The following LAMA2 variants were observed in gnomAD, a reference collection of about 807,000 sequenced individuals.
LAMA2 encodes the protein laminin subunit alpha-2.
LAMA2 carries 269 observed loss-of-function variants against 364.8 expected under a neutral mutation model. The observed-to-expected ratio is 0.74, with a 90% CI of 0.67 to 0.82. The LOEUF is 0.82. Among genes scored for constraint, LAMA2 ranks in the 40% least tolerant of loss-of-function variants. The pLI is 0.00. For synonymous variants in LAMA2, 1,379 were observed against 1,370.6 expected, an observed-to-expected ratio of 1.01 and a Z score of -0.14; for missense variants, 3,807 against 3,873.2, an observed-to-expected ratio of 0.98 and a Z score of 0.45.
rs143343647 is a variant in LAMA2 at position 129,440,937 on chromosome 6, C to A, written c.6207C>A (p.Tyr2069Ter). 12 of 1,613,814 alleles carry A rather than the reference C, an allele frequency of 7.4e-6. No individual in the cohort carries two copies. The highest frequency in any genetic ancestry group is 5.3e-5 in the African/African-American group (4 of 74,914). Residue 2069 changes from tyrosine (Y) to a stop codon, truncating the protein, a stop_gained, in exon 43 of 65, where the codon TAC becomes TAA. Coordinates refer to ENST00000421865, the MANE Select transcript of LAMA2 (RefSeq NM_000426.4). LOFTEE classifies it high-confidence loss of function. ...HQNLDGLKKN[Y>*]NKLADSVAKT... is the part of the protein sequence containing the mutation. The stretch of plus-strand genomic sequence containing the variant: ...ACCTCGATGGCCTGAAGAAGAATTA[C>A]AATAAACTAGCAGACAGCGTCGCCA...
chr6:129,342,195 G>T (rs1221101149), intron 29 of LAMA2, 148 bp from the exon 30 acceptor site: 2 of 662,424 alleles, frequency 3.0e-6, no homozygotes, highest in East Asian at 5.8e-5. Context: ...TGAGTTCTCT[G>T]TCAGTGATAA....
intron 1 of LAMA2, among the ~76,000 whole-genome samples, chr6:128,974,562 G>A (rs377679186): frequency 6.6e-6 from 1 of 152,194 alleles, no homozygotes; most frequent in Non-Finnish European, 1.5e-5. Context: ...GGATGGAACT[G>A]AAAGTTCACA....
chr6:128,903,497 A>T (rs1777219177), intron 1 of LAMA2, among the ~76,000 whole-genome samples: 1 of 152,158 alleles, frequency 6.6e-6, no homozygotes, highest in African/African-American at 2.4e-5. Flanking sequence ...TTCCTTCTGA[A>T]ATCATTTACA....
intron 2 of LAMA2, among the ~76,000 whole-genome samples, chr6:129,059,447 G>T (rs1164877989): frequency 1.3e-5 from 2 of 152,188 alleles, no homozygotes; most frequent in South Asian, 4.1e-4. Flanking sequence ...TTGAATGATT[G>T]ACAAGTCAAT....
At chr6:129,142,340 G>A (rs939431623) in intron 4 of LAMA2, among the ~76,000 whole-genome samples, 1 of 151,860 alleles carries the variant, frequency 6.6e-6, no homozygotes, top group Non-Finnish European at 1.5e-5. Context: ...ACTGTTTCGG[G>A]GCTTGCAGAC....
At chr6:129,061,829 C>T (rs183175230) in intron 3 of LAMA2, among the ~76,000 whole-genome samples, 8 of 152,302 alleles carry the variant, frequency 5.3e-5, no homozygotes, top group Admixed American at 5.2e-4. Context: ...TGGTACAGAG[C>T]ATATGTGTTC....
At chr6:129,029,342 T>C (rs994381213) in intron 1 of LAMA2, among the ~76,000 whole-genome samples, 3 of 151,916 alleles carry the variant, frequency 2.0e-5, no homozygotes, top group African/African-American at 7.2e-5. Flanking sequence ...ACCATGTGTA[T>C]GTGGCAGCAT....
intron 1 of LAMA2, among the ~76,000 whole-genome samples, chr6:129,025,983 A>C (rs1049318973): frequency 2.0e-4 from 31 of 152,312 alleles, no homozygotes; most frequent in African/African-American, 7.0e-4. Flanking sequence ...AGGTTTCACG[A>C]ATCAGGTATG....
chr6:129,323,107 C>T (rs1046976067), intron 28 of LAMA2, among the ~76,000 whole-genome samples: 17 of 152,110 alleles, frequency 1.1e-4, no homozygotes, highest in African/African-American at 3.9e-4. Flanking sequence ...AAGTGTTTTC[C>T]ACAACCCATG....
chr6:129,356,370 G>T (rs188573328), intron 32 of LAMA2, among the ~76,000 whole-genome samples: 16 of 152,078 alleles, frequency 1.1e-4, no homozygotes, highest in African/African-American at 3.6e-4. Context: ...ACCACACAGG[G>T]TTCATCATAA....
intron 1 of LAMA2, among the ~76,000 whole-genome samples, chr6:128,975,499 GGGC>G (rs1782473419): frequency 6.6e-6 from 1 of 152,104 alleles, no homozygotes; most frequent in African/African-American, 2.4e-5. Flanking sequence ...ATAAAGTGTG[GGGC>G]AAATGATGGA....
chr6:128,891,839 C>T (rs886140219), intron 1 of LAMA2, among the ~76,000 whole-genome samples: 7 of 152,028 alleles, frequency 4.6e-5, no homozygotes, highest in African/African-American at 9.7e-5. Flanking sequence ...CTTATCAATA[C>T]GTACCTCTTT....
intron 1 of LAMA2, among the ~76,000 whole-genome samples, chr6:128,967,985 C>A (rs936321391): frequency 6.6e-6 from 1 of 152,220 alleles, no homozygotes; most frequent in South Asian, 2.1e-4. Context: ...CTGTGCAAAT[C>A]GTGAGGGCCA....
intron 41 of LAMA2, among the ~76,000 whole-genome samples, chr6:129,429,828 G>A (rs994321008): frequency 2.9e-4 from 44 of 152,220 alleles, no homozygotes; most frequent in South Asian, 4.1e-4. Context: ...CCGTGCCCTC[G>A]CCTCTATTTC....
chr6:128,899,990 T>A (rs184856688), intron 1 of LAMA2, among the ~76,000 whole-genome samples: 25 of 152,358 alleles, frequency 1.6e-4, no homozygotes, highest in Non-Finnish European at 7.3e-5. Flanking sequence ...GATTGGCATC[T>A]GTTTTCATTT....
chr6:128,889,185 G>C (rs1270258649), intron 1 of LAMA2, among the ~76,000 whole-genome samples: 1 of 152,156 alleles, frequency 6.6e-6, no homozygotes, highest in East Asian at 1.9e-4. Context: ...TAAATAGTAT[G>C]CACTTTAAAA....
intron 37 of LAMA2, among the ~76,000 whole-genome samples, chr6:129,400,848 G>A (rs1429281446): frequency 1.3e-5 from 2 of 152,144 alleles, no homozygotes; most frequent in African/African-American, 4.8e-5. Context: ...TGCTCACAAA[G>A]TACTCATTTG....
intron 1 of LAMA2, among the ~76,000 whole-genome samples, chr6:128,945,083 C>T (rs1457111937): frequency 6.6e-6 from 1 of 152,074 alleles, no homozygotes; most frequent in Non-Finnish European, 1.5e-5. Flanking sequence ...GGGGTGATGG[C>T]AAATATCATA....
rs372706983 is a variant in LAMA2 at position 129,012,335 on chromosome 6, AG to A, written c.113-37582del. Among the ~76,000 whole-genome samples the A allele has an allele frequency of 7.9e-3, 1,210 of 152,244 alleles. 7 individuals carry two copies. Among genetic ancestry groups the A allele is most frequent in the Middle Eastern group, 0.024 (7 of 292 alleles). ...CTAATTTGAATATTATGCTTTGTTAAGTTATTTAGAACCACTTACCCCATCT... is the reference window on the plus strand; with the variant it reads ...CTAATTTGAATATTATGCTTTGTTAATTATTTAGAACCACTTACCCCATCT... On this transcript the variant is annotated intron_variant, in intron 1 of 64. Transcript: ENST00000421865.
Sources: allele counts gnomAD v4.1 joint callset (sites outside exome capture counted in the v4.1 genomes callset), GRCh38; gene constraint gnomAD v4.1.1; transcripts MANE v1.5; gene names NCBI Gene and HGNC (gene_info 2026-07-23, HGNC 2026-07-21).